The following CEP112 variants were observed in gnomAD, a reference collection of about 807,000 sequenced individuals.
CEP112 encodes centrosomal protein of 112 kDa.
A neutral mutation model predicts 153.0 loss-of-function variants in CEP112; 127 were observed. The observed-to-expected ratio is 0.83, with a 90% CI of 0.72 to 0.96. CEP112 has a LOEUF of 0.96. CEP112 is among the 40% of genes least tolerant of loss of function. The pLI is 0.00. For synonymous variants in CEP112, 358 were observed against 374.4 expected (o/e 0.96, Z 0.51); for missense variants, 1,089 against 1,101.2 (o/e 0.99, Z 0.16).
chr17:66,151,879 C>T (rs2071224743), intron 4 of CEP112, among the ~76,000 whole-genome samples: 1 of 151,708 alleles, frequency 6.6e-6, no homozygotes, highest in Non-Finnish European at 1.5e-5. Context: ...CCCAGCTAAG[C>T]CATGTCCATG....
intron 20 of CEP112, among the ~76,000 whole-genome samples, chr17:65,896,619 A>G (rs893392802): frequency 2.6e-5 from 4 of 152,066 alleles, no homozygotes; most frequent in African/African-American, 4.8e-5. Flanking sequence ...CTAATGAAAC[A>G]TGATTTTCAC....
intron 19 of CEP112, among the ~76,000 whole-genome samples, chr17:65,925,236 C>T (rs78044190): frequency 0.039 from 6,013 of 152,316 alleles, 353 homozygotes; most frequent in African/African-American, 0.12. Flanking sequence ...CCTGCCACCA[C>T]ATAAAAGGTG....
chr17:65,885,348 T>C (rs1056452868), intron 20 of CEP112, among the ~76,000 whole-genome samples: 7 of 152,202 alleles, frequency 4.6e-5, no homozygotes, highest in African/African-American at 1.4e-4. Flanking sequence ...GAAGATAATA[T>C]TTATCATTCA....
intron 23 of CEP112, among the ~76,000 whole-genome samples, chr17:65,738,657 A>G (rs2050942289): frequency 6.6e-6 from 1 of 152,184 alleles, no homozygotes; most frequent in African/African-American, 2.4e-5. Context: ...TAAATTATTT[A>G]TAAATGAGCA....
intron 12 of CEP112, among the ~76,000 whole-genome samples, chr17:66,047,082 GTTTGTT>G (rs2066242640): frequency 6.6e-6 from 1 of 151,696 alleles, no homozygotes; most frequent in African/African-American, 2.4e-5. Flanking sequence ...CCAACTTTCG[GTTTGTT>G]TTTATTTATT....
intron 18 of CEP112, among the ~76,000 whole-genome samples, chr17:65,956,435 C>CACACACACA (rs1555729893): frequency 5.3e-5 from 8 of 150,700 alleles, no homozygotes; most frequent in South Asian, 4.2e-4. Flanking sequence ...CACACACACA[C>CACACACACA]CATGGAATAC....
At chr17:65,681,719 G>A (rs536853119) in intron 24 of CEP112, among the ~76,000 whole-genome samples, 6 of 146,722 alleles carry the variant, frequency 4.1e-5, no homozygotes. Flanking sequence ...TGTAGCCCAG[G>A]CTGGAGTACA....
At chr17:66,159,080 A>G (rs1391142629) in intron 4 of CEP112, among the ~76,000 whole-genome samples, 1 of 152,232 alleles carries the variant, frequency 6.6e-6, no homozygotes, top group Non-Finnish European at 1.5e-5. Context: ...ACCTCTATGC[A>G]AATAAACTAG....
intron 24 of CEP112, among the ~76,000 whole-genome samples, chr17:65,662,789 C>T (rs2046458171): frequency 1.3e-5 from 2 of 152,056 alleles, no homozygotes; most frequent in African/African-American, 4.8e-5. Context: ...GTTTATTGGC[C>T]CACATGGTAA....
At chr17:65,692,585 A>C (rs1416638673) in intron 23 of CEP112, among the ~76,000 whole-genome samples, 3 of 152,060 alleles carry the variant, frequency 2.0e-5, no homozygotes, top group African/African-American at 7.2e-5. Context: ...GTGCTACTCC[A>C]TGCTGCCTCT....
intron 23 of CEP112, among the ~76,000 whole-genome samples, chr17:65,697,827 T>C (rs1416317200): frequency 6.6e-6 from 1 of 152,166 alleles, no homozygotes; most frequent in Non-Finnish European, 1.5e-5. Context: ...CCAGGATGAA[T>C]AACAAACCAT....
intron 17 of CEP112, among the ~76,000 whole-genome samples, chr17:65,968,488 T>C (rs1282452519): frequency 6.6e-6 from 1 of 152,190 alleles, no homozygotes; most frequent in Non-Finnish European, 1.5e-5. Context: ...GATTTCTAAG[T>C]GATATGAAAT....
At chr17:65,781,360 G>A (rs1380787579) in intron 21 of CEP112, among the ~76,000 whole-genome samples, 1 of 152,034 alleles carries the variant, frequency 6.6e-6, no homozygotes, top group Non-Finnish European at 1.5e-5. Context: ...CAAACAAATG[G>A]AAAAACATTC....
At chr17:65,738,315 G>A (rs1424032215) in intron 23 of CEP112, among the ~76,000 whole-genome samples, 1 of 152,126 alleles carries the variant, frequency 6.6e-6, no homozygotes. Context: ...GGTAGGAGGT[G>A]GCAGGGAAGG....
rs2062201485 is a variant in CEP112, at chr17:65,961,541, C to T, written c.1794G>A (p.Gln598=). 2 of 1,613,710 alleles carry T rather than the reference C, an allele frequency of 1.2e-6. No homozygotes were observed. The highest frequency in any genetic ancestry group is 1.7e-5 in the Admixed American group (1 of 60,010). Residue 598 remains glutamine (Q), a synonymous_variant, in exon 18 of 27, where the codon CAG becomes CAA. Transcript: ENST00000535342. The part of the protein sequence containing the change: ...VTEVQRLQAQ[Q]ADAALEEFKR... Reference sequence around the variant, plus strand: ...TAAACTCTTCCAGAGCGGCATCTGCCTGCTGGGCCTGCAACCTCTGAACTT... The same window carrying T: ...TAAACTCTTCCAGAGCGGCATCTGCTTGCTGGGCCTGCAACCTCTGAACTT...
chr17:65,707,127 G>T (rs1484390874), intron 23 of CEP112, among the ~76,000 whole-genome samples: 1 of 151,890 alleles, frequency 6.6e-6, no homozygotes, highest in African/African-American at 2.4e-5. Context: ...CATTCCTCCG[G>T]GCTCCCCTCG....
chr17:66,120,604 A>T (rs1180825868), intron 6 of CEP112, among the ~76,000 whole-genome samples: 2 of 152,182 alleles, frequency 1.3e-5, no homozygotes, highest in Non-Finnish European at 2.9e-5. Flanking sequence ...TGTGTTGCTC[A>T]AGGACTTTTT....
At chr17:65,905,485 C>T (rs2060036823) in intron 19 of CEP112, among the ~76,000 whole-genome samples, 1 of 152,226 alleles carries the variant, frequency 6.6e-6, no homozygotes, top group Non-Finnish European at 1.5e-5. Context: ...AACAGGAACA[C>T]TTTTACACTA....
At chr17:65,646,140 T>C (rs796535269) in intron 24 of CEP112, among the ~76,000 whole-genome samples, 2 of 152,264 alleles carry the variant, frequency 1.3e-5, no homozygotes, top group African/African-American at 2.4e-5. Flanking sequence ...CCATAGAGAG[T>C]AGAAGATTGG....
Sources: allele counts gnomAD v4.1 joint callset (sites outside exome capture counted in the v4.1 genomes callset), GRCh38; gene constraint gnomAD v4.1.1; transcripts MANE v1.5; gene names NCBI Gene and HGNC (gene_info 2026-07-23, HGNC 2026-07-21).